Variants in PEX5L observed in about 807,000 individuals in gnomAD.
PEX5L encodes the protein peroxisomal biogenesis factor 5 like.
Under a neutral mutation model 84.0 loss-of-function variants are expected in PEX5L, and 30 were observed. The ratio of observed to expected loss-of-function variants is 0.36; its 90% CI spans 0.27 to 0.48. PEX5L has a LOEUF of 0.48. PEX5L is among the 20% of genes least tolerant of loss of function. The pLI is 0.99. For missense variants in PEX5L, 533 were observed against 754.6 expected, an observed-to-expected ratio of 0.71 and a Z score of 3.44; for synonymous variants, 270 against 283.1, an observed-to-expected ratio of 0.95 and a Z score of 0.46.
chr3:179,922,455 T>TC (rs1006726448), intron 2 of PEX5L, among the ~76,000 whole-genome samples: 40 of 150,508 alleles, frequency 2.7e-4, no homozygotes, highest in Admixed American at 4.6e-4. Context: ...TCTTTTCTTT[T>TC]TTTTTTTTTT....
chr3:179,987,596 T>C (rs1404362029), intron 1 of PEX5L, among the ~76,000 whole-genome samples: 4 of 152,146 alleles, frequency 2.6e-5, no homozygotes, highest in African/African-American at 4.8e-5. Context: ...GATGGTTCAC[T>C]TTCTTGTGAA....
chr3:179,827,226 GGGCGTGACTTTTGA>G (rs1560260216), intron 8 of PEX5L, among the ~76,000 whole-genome samples: 4 of 152,138 alleles, frequency 2.6e-5, no homozygotes, highest in African/African-American at 9.7e-5. Context: ...GGGAATACCC[GGGCGTGACTTTTGA>G]GGCTAGGCCC....
chr3:179,817,309 T>C (rs1490443220), intron 9 of PEX5L, among the ~76,000 whole-genome samples: 2 of 152,236 alleles, frequency 1.3e-5, no homozygotes, highest in Admixed American at 1.3e-4. Context: ...ACATAGGCAG[T>C]CTTGTAGCTT....
Position 179,837,234 on chromosome 3 carries a change from C to T in PEX5L, c.823-17258G>A, listed in dbSNP as rs58445553. On this transcript the variant is annotated intron_variant, in intron 8 of 14. Coordinates refer to ENST00000467460, the MANE Select transcript of PEX5L (RefSeq NM_016559.3). ...ACAATTCAATAGAAATTTCAGGGAACAAGTCTCATTCCTTATATGTAGGCC... is the reference window on the plus strand; with the variant it reads ...ACAATTCAATAGAAATTTCAGGGAATAAGTCTCATTCCTTATATGTAGGCC... Among the ~76,000 whole-genome samples the T allele has an allele frequency of 4.0e-3, 612 of 152,186 alleles. 6 individuals are homozygous for T. The highest frequency in any genetic ancestry group is 0.014 in the African/African-American group (583 of 41,504).
intron 8 of PEX5L, among the ~76,000 whole-genome samples, chr3:179,844,863 T>A (rs980246905): frequency 6.6e-6 from 1 of 152,076 alleles, no homozygotes; most frequent in East Asian, 1.9e-4. Context: ...ATTAAATAAA[T>A]AAATGCATCT....
intron 1 of PEX5L, among the ~76,000 whole-genome samples, chr3:179,972,816 G>GT (rs142647530): frequency 0.031 from 4,624 of 147,560 alleles, 215 homozygotes; most frequent in African/African-American, 0.1. Flanking sequence ...ATTTTTGTGG[G>GT]TTTTTTTTTT....
At chr3:179,982,802 G>A (rs1194563412) in intron 1 of PEX5L, among the ~76,000 whole-genome samples, 3 of 152,106 alleles carry the variant, frequency 2.0e-5, no homozygotes, top group Non-Finnish European at 2.9e-5. Flanking sequence ...GTAGGTGAGT[G>A]TGGGGATTTT....
At chr3:179,813,711 C>T (rs1192813954) in intron 10 of PEX5L, among the ~76,000 whole-genome samples, 1 of 145,452 alleles carries the variant, frequency 6.9e-6, no homozygotes, top group Non-Finnish European at 1.5e-5. Context: ...GCTGTTTAGC[C>T]CAGGCCGGAC....
In PEX5L at chr3:179,880,066, G is replaced by T. The variant is rs373104708; in HGVS notation, c.368C>A (p.Thr123Asn). Reference protein sequence around the residue: ...DLSEPVSQTQTKAKKSEPSSK... With the variant: ...DLSEPVSQTQNKAKKSEPSSK... The stretch of plus-strand genomic sequence containing the variant: ...TGAGGGCTCTGACTTCTTGGCTTTG[G>T]TTTGGGTTTGAGAGACTGGTTCACT... The change falls in exon 5 of 15, where the codon ACC (threonine) becomes AAC (asparagine). Residue 123 changes from threonine to asparagine, a missense_variant. By Grantham distance (65) the Thr-to-Asn change is moderately conservative (BLOSUM62 0). This residue lies in a region of PEX5L where 259 missense variants were observed against 301.7 expected (regional missense o/e 0.86). Coordinates refer to ENST00000467460, the MANE Select transcript of PEX5L (RefSeq NM_016559.3). 1.2e-6 allele frequency: 2 copies of T among 1,613,868 alleles called. No individual in the cohort carries two copies. The highest frequency in any genetic ancestry group is 1.7e-6 in the Non-Finnish European group (2 of 1,179,934).
At chr3:179,991,948 T>C (rs6809211) in intron 1 of PEX5L, among the ~76,000 whole-genome samples, 14,474 of 152,192 alleles carry the variant, frequency 0.095, 1,203 homozygotes, top group African/African-American at 0.23. Flanking sequence ...TCCTAGATAT[T>C]TAATTCCCAT....
intron 2 of PEX5L, among the ~76,000 whole-genome samples, chr3:179,969,602 CACA>C (rs1784241950): frequency 6.6e-6 from 1 of 152,100 alleles, no homozygotes; most frequent in Non-Finnish European, 1.5e-5. Flanking sequence ...AGGATTTGCT[CACA>C]ACATCAACAC....
At chr3:179,903,945 G>A (rs1292352427) in intron 2 of PEX5L, among the ~76,000 whole-genome samples, 3 of 152,174 alleles carry the variant, frequency 2.0e-5, no homozygotes, top group South Asian at 2.1e-4. Context: ...ACAGATCTAG[G>A]TGTAAACAAC....
At chr3:179,854,235 T>A (rs762878393) in intron 8 of PEX5L, among the ~76,000 whole-genome samples, 1 of 151,744 alleles carries the variant, frequency 6.6e-6, no homozygotes, top group Non-Finnish European at 1.5e-5. Context: ...CAACGTGAGC[T>A]TGAGGAATGA....
Position 180,036,647 on chromosome 3 carries a change from C to T in PEX5L, c.-48G>A, listed in dbSNP as rs753987367. 9 of 1,610,998 alleles carry T rather than the reference C, an allele frequency of 5.6e-6. No individual in the cohort carries two copies. Among genetic ancestry groups the T allele is most frequent in the South Asian group, 1.1e-5 (1 of 90,998 alleles). On this transcript the variant is annotated 5_prime_UTR_variant, in exon 1 of 15. Coordinates refer to ENST00000467460, the MANE Select transcript of PEX5L (RefSeq NM_016559.3). ...TCCCTGAGGCCACCGGATGCTTTTC[C>T]CCCGTGCTTACTTGCCCACCAAAAG...
chr3:180,005,301 C>A (rs182718903), intron 1 of PEX5L, among the ~76,000 whole-genome samples: 16 of 152,068 alleles, frequency 1.1e-4, no homozygotes, highest in South Asian at 4.2e-4. Flanking sequence ...TTTCCTGTCA[C>A]CCAGGCTGAA....
chr3:179,983,594 A>G (rs1786535940), intron 1 of PEX5L, among the ~76,000 whole-genome samples: 1 of 152,090 alleles, frequency 6.6e-6, no homozygotes, highest in Non-Finnish European at 1.5e-5. Context: ...TAGTTGGGAA[A>G]TAAATTAGCC....
rs761385749 is a variant in PEX5L, at chr3:179,971,615, T to C, written c.72A>G (p.Glu24=). The C allele has an allele frequency of 1.2e-6, 2 of 1,608,516 alleles. No homozygotes were observed. The highest frequency in any genetic ancestry group is 1.7e-4 in the Middle Eastern group (1 of 6,048). ...TTACCTGCTTTTGATCAACAATTAT[T>C]TCGAGGTCTTCATCACTGCTTAGTT... ...YGKLSSDEDL[E]IIVDQKQGKG... The change falls in exon 2 of 15, where the codon GAA becomes GAG. Residue 24 remains glutamate, a synonymous_variant. Coordinates refer to ENST00000467460, the MANE Select transcript of PEX5L (RefSeq NM_016559.3).
At chr3:179,899,604 T>A (rs1760613435) in intron 2 of PEX5L, among the ~76,000 whole-genome samples, 1 of 152,166 alleles carries the variant, frequency 6.6e-6, no homozygotes, top group South Asian at 2.1e-4. Context: ...GATCAAAACA[T>A]TATCCATTTT....
chr3:179,852,493 G>C (rs1273313679), intron 8 of PEX5L, among the ~76,000 whole-genome samples: 1 of 152,222 alleles, frequency 6.6e-6, no homozygotes, highest in African/African-American at 2.4e-5. Context: ...TTTGAAGGGA[G>C]TATCAAATAA....
Sources: gnomAD v4.1 joint callset for allele counts (sites outside exome capture counted in the v4.1 genomes callset) on GRCh38, gnomAD v4.1.1 for gene constraint, gnomAD v4.1.1 regional missense constraint, MANE v1.5 for transcripts, NCBI Gene and HGNC (gene_info 2026-07-23, HGNC 2026-07-21) for gene names.